The following LTBP2 variants were observed in gnomAD, a reference collection of about 807,000 sequenced individuals.
LTBP2 encodes the protein latent-transforming growth factor beta-binding protein 2.
Under a neutral mutation model 210.6 loss-of-function variants are expected in LTBP2, and 103 were observed. The ratio of observed to expected loss-of-function variants is 0.49; its 90% confidence interval spans 0.42 to 0.58. The LOEUF is 0.58. LTBP2 is among the 20% of genes least tolerant of loss of function. The probability of loss-of-function intolerance (pLI) is 0.00; values close to 1 mark genes in which losing one functional copy is unlikely to be tolerated. For missense variants in LTBP2, 2,313 were observed against 2,494.5 expected (o/e 0.93, Z 1.55); for synonymous variants, 1,007 against 1,015.0 (o/e 0.99, Z 0.15).
At chr14:74,596,269 T>TAAA (rs1566654029) in intron 2 of LTBP2, among the ~76,000 whole-genome samples, 100 of 119,112 alleles carry the variant, frequency 8.4e-4, no homozygotes, top group African/African-American at 2.7e-3. Flanking sequence ...AAATAAAAAT[T>TAAA]AAAAACAAAG....
At position 74,611,999 on chromosome 14, in the gene LTBP2, C is replaced by T. The variant is rs571506111; in HGVS notation, c.-55G>A. On this transcript the variant is annotated 5_prime_UTR_variant, in exon 1 of 36. Transcript: ENST00000261978. The stretch of plus-strand genomic sequence containing the variant: ...CGGGCACCGCGAAGAGCTTTGTGGT[C>T]GGCACGCTGGACGCCCGCGGGCTGT... The T allele has an allele frequency of 3.1e-4, 447 of 1,463,144 alleles. 2 individuals carry two copies. The African/African-American group carries it at 3.7e-3, about 12-fold the overall frequency. 90.6% of individuals were successfully genotyped at this position (1,463,144 alleles called of 1,614,324 possible).
At chr14:74,543,705 G>A (rs1010958076) in intron 8 of LTBP2, among the ~76,000 whole-genome samples, 2 of 152,072 alleles carry the variant, frequency 1.3e-5, no homozygotes, top group Admixed American at 6.5e-5. Flanking sequence ...CTCTTCATGG[G>A]GTTATTATGA....
chr14:74,506,259 G>A (rs2139691606), intron 27 of LTBP2, 68 bp from the exon 28 acceptor site: 1 of 1,603,724 alleles, frequency 6.2e-7, no homozygotes, highest in South Asian at 1.1e-5. Flanking sequence ...CCTGACTACA[G>A]CCCACTGCCC....
chr14:74,501,774 AG>A (rs1307643571), intron 34 of LTBP2, 184 bp from the exon 35 acceptor site: 3 of 700,492 alleles, frequency 4.3e-6, no homozygotes, highest in Non-Finnish European at 7.0e-6. Context: ...TGAAAAAAAA[AG>A]TATGTGTCAT....
rs746024212 is a variant in LTBP2, at chr14:74,611,654, C to T, written c.291G>A (p.Arg97=). The change falls in exon 1 of 36, where the codon AGG becomes AGA. Residue 97 remains arginine (R), a synonymous_variant. Coordinates refer to ENST00000261978, the MANE Select transcript of LTBP2 (RefSeq NM_000428.3). ...RAQPGWGSPR[R]PTEAEARRPS... is the part of the protein sequence containing the mutation. ...GCCTCCTGGCCTCCGCCTCGGTGGG[C>T]CTCCTGGGGCTCCCCCAGCCCGGCT... 14 of 1,557,168 alleles carry T rather than the reference C, an allele frequency of 9.0e-6. No homozygotes were observed. In the African/African-American group the frequency reaches 1.5e-4, roughly 17 times the overall value.
intron 2 of LTBP2, among the ~76,000 whole-genome samples, chr14:74,593,148 C>T (rs1334917103): frequency 1.3e-5 from 2 of 152,226 alleles, no homozygotes; most frequent in African/African-American, 4.8e-5. Flanking sequence ...CTTCACTCCA[C>T]CCCAGAACAG....
At chr14:74,568,378 C>T (rs374571160) in intron 3 of LTBP2, among the ~76,000 whole-genome samples, 17 of 152,130 alleles carry the variant, frequency 1.1e-4, no homozygotes, top group African/African-American at 3.9e-4. Flanking sequence ...TGTTCCAGCG[C>T]GGCCGTGGGG....
At position 74,527,361 on chromosome 14, in the gene LTBP2, A is replaced by G. The variant is rs780133240; in HGVS notation, c.2374T>C (p.Ser792Pro). The G allele has an allele frequency of 2.5e-6, 4 of 1,611,378 alleles. No individual in the cohort carries two copies. Among genetic ancestry groups the G allele is most frequent in the Admixed American group, 3.3e-5 (2 of 59,788 alleles). Residue 792 changes from serine (S) to proline (P), a missense_variant, in exon 13 of 36, where the codon TCT (serine) becomes CCT (proline). Around this residue, in one of 3 missense-constraint regions of LTBP2, gnomAD observed 1,867 missense variants for 1,976.9 expected, o/e 0.94. Transcript: ENST00000261978. ...GACGCACTCACCTGGCCAGCCTGAG[A>G]GTCACCTGGAAGGGAAAGGTAACAG... ...EAGTIPDKGDSQAGQVTTSVT... is the reference protein window; with the variant it reads ...EAGTIPDKGDPQAGQVTTSVT...
intron 2 of LTBP2, among the ~76,000 whole-genome samples, chr14:74,587,042 G>A (rs2088215754): frequency 6.6e-6 from 1 of 152,098 alleles, no homozygotes; most frequent in South Asian, 2.1e-4. Flanking sequence ...TCTCTTCACT[G>A]TCCTTCACCC....
chr14:74,572,650 A>C (rs2087999691), intron 3 of LTBP2, among the ~76,000 whole-genome samples: 1 of 152,034 alleles, frequency 6.6e-6, no homozygotes, highest in African/African-American at 2.4e-5. Flanking sequence ...TATTTGAAAA[A>C]CTTGAGCTCA....
intron 2 of LTBP2, among the ~76,000 whole-genome samples, chr14:74,590,569 G>T (rs1247040353): frequency 6.6e-6 from 1 of 152,128 alleles, no homozygotes; most frequent in East Asian, 1.9e-4. Flanking sequence ...TCCAGCATGG[G>T]CGACAGTGAG....
intron 1 of LTBP2, among the ~76,000 whole-genome samples, chr14:74,609,192 G>A (rs951317633): frequency 1.3e-5 from 2 of 152,134 alleles, no homozygotes; most frequent in African/African-American, 4.8e-5. Flanking sequence ...GACCCCTCAG[G>A]TCCTCCCCAG....
intron 2 of LTBP2, among the ~76,000 whole-genome samples, chr14:74,593,965 A>C (rs767770946): frequency 1.8e-4 from 28 of 152,194 alleles, no homozygotes; most frequent in Non-Finnish European, 2.6e-4. Context: ...TACCTGGCGC[A>C]CAGTAAGAGC....
Position 74,506,060 on chromosome 14 carries a change from G to C in LTBP2, c.4165C>G (p.Arg1389Gly). The change falls in exon 28 of 36, where the codon CGG (arginine) becomes GGG (glycine). Residue 1389 changes from arginine (R) to glycine (G), a missense_variant. This residue lies in a region of LTBP2 where 1,867 missense variants were observed against 1,976.9 expected (regional missense o/e 0.94). Coordinates refer to ENST00000261978, the MANE Select transcript of LTBP2 (RefSeq NM_000428.3). ...TCCCAGGCCTCACCTCCAGCCCCCC[G>C]TGGGCGGCAGTGCCCCTCCTGGGCA... The part of the protein sequence containing the change: ...YDAQEGHCRP[R>G]GAGGQSMSEA... 2 of 1,614,078 alleles carry C rather than the reference G, an allele frequency of 1.2e-6. No homozygotes were observed. The highest frequency in any genetic ancestry group is 1.7e-6 in the Non-Finnish European group (2 of 1,179,994).
intron 3 of LTBP2, among the ~76,000 whole-genome samples, chr14:74,565,518 C>T (rs571757159): frequency 6.6e-6 from 1 of 152,152 alleles, no homozygotes; most frequent in Non-Finnish European, 1.5e-5. Flanking sequence ...ACAGATAATT[C>T]CCAGCTATGA....
At chr14:74,509,678 G>A in intron 21 of LTBP2, 56 bp downstream of exon 21, 2 of 1,612,144 alleles carry the variant, frequency 1.2e-6, no homozygotes, top group Non-Finnish European at 8.5e-7. Flanking sequence ...AGTGTTCTTT[G>A]GGAGGTAAGA....
intron 8 of LTBP2, among the ~76,000 whole-genome samples, chr14:74,542,344 AG>A (rs1247274701): frequency 1.3e-5 from 2 of 152,214 alleles, no homozygotes. Flanking sequence ...GGGACTCCCA[AG>A]GAGGCCTCAG....
chr14:74,501,799 A>G lies in LTBP2; in HGVS notation c.5171-209T>C. 2.6e-5 allele frequency: 16 copies of G among 617,676 alleles called. No homozygotes were observed. The South Asian group carries it at 3.2e-4, about 12-fold the overall frequency. 38.3% of individuals were successfully genotyped at this position (617,676 alleles called of 1,614,324 possible). On this transcript the variant is annotated intron_variant, in intron 34 of 35. Transcript: ENST00000261978. Reference sequence around the variant, plus strand: ...AGTATGTGTCATTTTAGATGGGGAGAGGTGCTCTGGGCTTCAAATGAGGGC... The same window carrying G: ...AGTATGTGTCATTTTAGATGGGGAGGGGTGCTCTGGGCTTCAAATGAGGGC...
chr14:74,594,026 T>C (rs537214215), intron 2 of LTBP2, among the ~76,000 whole-genome samples: 13 of 152,322 alleles, frequency 8.5e-5, no homozygotes, highest in African/African-American at 2.9e-4. Context: ...TAGATTGTTA[T>C]GCCCATTTTA....
Sources: gnomAD v4.1 joint callset for allele counts (sites outside exome capture counted in the v4.1 genomes callset) on GRCh38, gnomAD v4.1.1 for gene constraint, gnomAD v4.1.1 regional missense constraint, MANE v1.5 for transcripts, NCBI Gene and HGNC (gene_info 2026-07-23, HGNC 2026-07-21) for gene names.